Variants in PCNX1 observed in about 807,000 individuals in gnomAD.
The protein encoded by PCNX1 is pecanex-like protein 1.
In PCNX1, 78 loss-of-function variants were observed where a neutral mutation model predicts 242.2. That is an observed-to-expected ratio of 0.32 (90% confidence interval 0.27 to 0.39). PCNX1 has a LOEUF of 0.39. Among genes scored for constraint, PCNX1 ranks in the 10% least tolerant of loss-of-function variants. The pLI, the probability that PCNX1 is intolerant of heterozygous loss-of-function variation, is 1.00. For missense variants in PCNX1, 2,581 were observed against 2,856.5 expected (o/e 0.90, Z 2.20); for synonymous variants, 1,024 against 1,032.9 (o/e 0.99, Z 0.17).
chr14:70,907,837 G>C lies in PCNX1; in HGVS notation c.-14G>C. 7.8e-7 allele frequency: 1 copy of C among 1,281,972 alleles called. No individual in the cohort carries two copies. Among genetic ancestry groups the C allele is most frequent in the Non-Finnish European group, 9.9e-7 (1 of 1,011,926 alleles). 79.4% of individuals were successfully genotyped at this position (1,281,972 alleles called of 1,614,324 possible). A position where few individuals can be genotyped will look rare whatever the true frequency, so the allele number is the denominator to read the frequency against. On this transcript the variant is annotated 5_prime_UTR_variant, in exon 1 of 36. Transcript: ENST00000304743. ...CGGCGGCGGCGGCGGCGACGGCGGC[G>C]GCGCCGGGTGGGGATGGGGTCGCAG... is the stretch of plus-strand genomic sequence containing the variant.
At chr14:71,063,721 T>C (rs1205606865) in intron 26 of PCNX1, among the ~76,000 whole-genome samples, 1 of 152,178 alleles carries the variant, frequency 6.6e-6, no homozygotes, top group Non-Finnish European at 1.5e-5. Flanking sequence ...ATTCAGCCAA[T>C]TTATTATTTT....
At chr14:70,917,514 G>C (rs1033873122) in intron 1 of PCNX1, among the ~76,000 whole-genome samples, 23 of 152,158 alleles carry the variant, frequency 1.5e-4, no homozygotes, top group Non-Finnish European at 3.2e-4. Context: ...ACCATGTCAA[G>C]GAGCAGTAGT....
chr14:70,994,396 G>GATATAGATATATATATATATAT (rs1555357280), intron 7 of PCNX1, among the ~76,000 whole-genome samples: 11 of 96,974 alleles, frequency 1.1e-4, no homozygotes, highest in Non-Finnish European at 2.4e-4. Flanking sequence ...ACAGGCTTAA[G>GATATAGATATATATATATATAT]ATATATATAT....
In PCNX1 at chr14:70,979,483, G is replaced by A. The variant is rs2058774410; in HGVS notation, c.2311+835G>A. 2.0e-5 allele frequency among the ~76,000 whole-genome samples: 3 copies of A among 148,420 alleles called. No homozygotes were observed. The South Asian group carries it at 6.4e-4, about 32-fold the overall frequency. ...AAGATAGTTTGTTTATTTGGTTCTG[G>A]TTTTTATGGAATCTGCTTCTTGAAT... is the stretch of plus-strand genomic sequence containing the variant. On this transcript the variant is annotated intron_variant, in intron 6 of 35. Coordinates refer to ENST00000304743, the MANE Select transcript of PCNX1 (RefSeq NM_014982.3).
chr14:71,081,909 T>G (rs1031093429), intron 28 of PCNX1, among the ~76,000 whole-genome samples: 15 of 152,222 alleles, frequency 9.9e-5, no homozygotes, highest in African/African-American at 3.6e-4. Flanking sequence ...CTTTTGAATT[T>G]GTTTGCTCTT....
At chr14:71,048,728 A>C (rs931882239) in intron 22 of PCNX1, among the ~76,000 whole-genome samples, 3 of 152,186 alleles carry the variant, frequency 2.0e-5, no homozygotes, top group Non-Finnish European at 4.4e-5. Context: ...TAGGGAAGTT[A>C]GCCTGGTCAG....
chr14:71,070,337 A>G (rs760859746), intron 26 of PCNX1, among the ~76,000 whole-genome samples: 24 of 152,232 alleles, frequency 1.6e-4, no homozygotes, highest in Non-Finnish European at 2.9e-5. Context: ...CCCATGAATC[A>G]TGAATGTCCT....
intron 15 of PCNX1, among the ~76,000 whole-genome samples, chr14:71,027,908 G>C (rs2060280597): frequency 6.6e-6 from 1 of 151,718 alleles, no homozygotes; most frequent in African/African-American, 2.4e-5. Context: ...GCTTAGTGTA[G>C]GTAATTTATG....
intron 26 of PCNX1, among the ~76,000 whole-genome samples, chr14:71,070,847 A>AT (rs573398854): frequency 7.4e-4 from 113 of 152,326 alleles, no homozygotes; most frequent in African/African-American, 2.6e-3. Context: ...TCCTTTGAAG[A>AT]TTTGAAGCCA....
rs767857550 is a variant in PCNX1, at chr14:70,969,106, A to G, written c.600A>G (p.Glu200=). 5 of 1,583,856 alleles carry G rather than the reference A, an allele frequency of 3.2e-6. No homozygotes were observed. Among genetic ancestry groups the G allele is most frequent in the Non-Finnish European group, 2.6e-6 (3 of 1,152,372 alleles). Residue 200 remains glutamate (E), a synonymous_variant, in exon 5 of 36, where the codon GAA becomes GAG. Coordinates refer to ENST00000304743, the MANE Select transcript of PCNX1 (RefSeq NM_014982.3). ...GTCTTTGTAAGGAAGGAAGTGAAGAACAAGGTAAGAACGTTATACTTTACC... is the reference window on the plus strand; with the variant it reads ...GTCTTTGTAAGGAAGGAAGTGAAGAGCAAGGTAAGAACGTTATACTTTACC... The part of the protein sequence containing the change: ...SSSLCKEGSE[E]QDLAADRKLF...
At chr14:71,008,447 G>T (rs2059726924) in intron 8 of PCNX1, among the ~76,000 whole-genome samples, 1 of 151,938 alleles carries the variant, frequency 6.6e-6, no homozygotes, top group African/African-American at 2.4e-5. Flanking sequence ...ATGAGGTCAG[G>T]AGATCAAGAC....
At chr14:70,912,715 C>G (rs1363212604) in intron 1 of PCNX1, among the ~76,000 whole-genome samples, 1 of 152,062 alleles carries the variant, frequency 6.6e-6, no homozygotes, top group East Asian at 1.9e-4. Context: ...TAAAGATTTT[C>G]TTTGGCACTT....
intron 30 of PCNX1, among the ~76,000 whole-genome samples, chr14:71,092,127 T>C (rs551329460): frequency 6.6e-6 from 1 of 152,378 alleles, no homozygotes; most frequent in East Asian, 1.9e-4. Context: ...GTGCCGTAGA[T>C]TGAGGTTTGC....
chr14:70,974,241 G>GTTT (rs2058626478), intron 5 of PCNX1, among the ~76,000 whole-genome samples: 2 of 133,096 alleles, frequency 1.5e-5, no homozygotes, highest in African/African-American at 5.5e-5. Context: ...GGTTTTTTTT[G>GTTT]TTGTTTTTTT....
At chr14:70,908,058 T>TG (rs2055642744) in intron 1 of PCNX1, 55 bp downstream of exon 1, 10 of 1,488,112 alleles carry the variant, frequency 6.7e-6, no homozygotes, top group Non-Finnish European at 9.0e-6. Flanking sequence ...GGTGGGGAGA[T>TG]GCTGGGGTCG....
chr14:71,037,094 G>A (rs61990402), intron 19 of PCNX1, among the ~76,000 whole-genome samples: 1 of 107,896 alleles, frequency 9.3e-6, no homozygotes, highest in African/African-American at 3.4e-5. Flanking sequence ...CTGTTTGTCT[G>A]TTGCTGGTGT....
chr14:70,933,539 A>G lies in PCNX1; in HGVS notation c.154-13376A>G, dbSNP rs145756162. Among the ~76,000 whole-genome samples, 3 of 152,364 alleles carry G rather than the reference A, an allele frequency of 2.0e-5. No individual in the cohort carries two copies. The East Asian group carries it at 5.8e-4, about 29-fold the overall frequency. Reference sequence around the variant, plus strand: ...TGGAACATAGCATGTTTATTTGTTTATATATCTATGGCTTCTTTTATGCTA... The same window carrying G: ...TGGAACATAGCATGTTTATTTGTTTGTATATCTATGGCTTCTTTTATGCTA... On this transcript the variant is annotated intron_variant, in intron 1 of 35. Transcript: ENST00000304743.
chr14:71,088,793 A>G (rs2062057561), intron 29 of PCNX1, among the ~76,000 whole-genome samples: 1 of 152,220 alleles, frequency 6.6e-6, no homozygotes, highest in Non-Finnish European at 1.5e-5. Context: ...TTATACTTCT[A>G]ATATAGTAAT....
chr14:71,108,854 C>A lies in PCNX1; in HGVS notation c.6552C>A (p.Ala2184=), dbSNP rs759170931. ...QMEPSGQSGL[A]CVQHGLPSSS... ...AACCCTCAGGTCAGAGCGGCCTGGC[C>A]TGTGTGCAGCACGGCCTGCCTTCCT... is the stretch of plus-strand genomic sequence containing the variant. The change falls in exon 34 of 36, where the codon GCC becomes GCA. Residue 2184 remains alanine, a synonymous_variant. Coordinates refer to ENST00000304743, the MANE Select transcript of PCNX1 (RefSeq NM_014982.3). 1 of 1,614,238 alleles carries A rather than the reference C, an allele frequency of 6.2e-7. No homozygotes were observed. The highest frequency in any genetic ancestry group is 8.5e-7 in the Non-Finnish European group (1 of 1,180,042).
Sources: gnomAD v4.1 joint callset for allele counts (sites outside exome capture counted in the v4.1 genomes callset) on GRCh38, gnomAD v4.1.1 for gene constraint, MANE v1.5 for transcripts, NCBI Gene and HGNC (gene_info 2026-07-23, HGNC 2026-07-21) for gene names.